The following HIGD1A variants were observed in gnomAD, a reference collection of about 807,000 sequenced individuals.
HIGD1A encodes HIG1 domain family member 1A, mitochondrial.
Under a neutral mutation model 11.3 loss-of-function variants are expected in HIGD1A, and 8 were observed. The observed-to-expected ratio is 0.71, with a 90% confidence interval of 0.42 to 1.28. HIGD1A has a LOEUF of 1.28. HIGD1A is among the 50% of genes most tolerant of loss of function. The pLI, the probability that HIGD1A is intolerant of heterozygous loss-of-function variation, is 0.01. For synonymous variants in HIGD1A, 32 were observed against 38.4 expected, an observed-to-expected ratio of 0.83 and a Z score of 0.62; for missense variants, 107 against 118.8, an observed-to-expected ratio of 0.90 and a Z score of 0.46.
chr3:42,791,728 C>T (rs1398016388), intron 2 of HIGD1A, among the ~76,000 whole-genome samples: 1 of 152,104 alleles, frequency 6.6e-6, no homozygotes, highest in African/African-American at 2.4e-5. Flanking sequence ...TAAATGACAA[C>T]CCATTAAAGA....
At chr3:42,794,442 A>G in intron 1 of HIGD1A, 167 bp from the exon 2 acceptor site, 1 of 674,174 alleles carries the variant, frequency 1.5e-6, no homozygotes. Flanking sequence ...TTTAATGTAC[A>G]GTCACTCTCA....
At chr3:42,786,814 T>C (rs1217395525) in intron 2 of HIGD1A, among the ~76,000 whole-genome samples, 3 of 152,160 alleles carry the variant, frequency 2.0e-5, no homozygotes, top group African/African-American at 7.2e-5. Flanking sequence ...CTTGCTCTGT[T>C]GCCCAGGCTG....
At chr3:42,793,574 T>C (rs1243411204) in intron 2 of HIGD1A, among the ~76,000 whole-genome samples, 1 of 152,254 alleles carries the variant, frequency 6.6e-6, no homozygotes, top group African/African-American at 2.4e-5. Flanking sequence ...AAACTATGAC[T>C]GTAACAAGCA....
At chr3:42,803,477 A>C (rs144268308) in intron 1 of HIGD1A, among the ~76,000 whole-genome samples, 3,668 of 152,314 alleles carry the variant, frequency 0.024, 57 homozygotes, top group Middle Eastern at 0.075. Flanking sequence ...ATCTTTAAGA[A>C]GCCCCTTCAA....
In HIGD1A at chr3:42,794,486, T is replaced by A. The variant is rs559796244; in HGVS notation, c.-22-211A>T. ...TTGTATACACTTATTCCCCCTATTA[T>A]TTTGCCGTTTCCCCTGTACAACCCA... On this transcript the variant is annotated intron_variant, in intron 1 of 3. Transcript: ENST00000321331. Among the ~76,000 whole-genome samples the A allele has an allele frequency of 3.2e-4, 49 of 152,326 alleles. No individual in the cohort carries two copies. In the East Asian group the frequency reaches 4.2e-3, roughly 13 times the overall value.
At position 42,800,958 on chromosome 3, in the gene HIGD1A, C is replaced by G. The variant is rs189827339; in HGVS notation, c.-23+3478G>C. ...CTGACTACATCCATTTCAACTTTGC[C>G]TGCTCTGTTCTGAGTTGCTTTAACA... is the stretch of plus-strand genomic sequence containing the variant. On this transcript the variant is annotated intron_variant, in intron 1 of 3. Coordinates refer to ENST00000321331, the MANE Select transcript of HIGD1A (RefSeq NM_014056.4). Among the ~76,000 whole-genome samples, 101 of 152,312 alleles carry G rather than the reference C, an allele frequency of 6.6e-4. 2 individuals are homozygous for G. Among genetic ancestry groups the G allele is most frequent in the African/African-American group, 2.4e-3 (99 of 41,578 alleles).
intron 1 of HIGD1A, 35 bp from the exon 2 acceptor site, chr3:42,794,310 A>C (rs781508219): frequency 6.5e-7 from 1 of 1,535,392 alleles, no homozygotes; most frequent in East Asian, 2.4e-5. Context: ...CTGTAATTAA[A>C]AGCATCTGAA....
chr3:42,790,626 G>A (rs145320156), intron 2 of HIGD1A, among the ~76,000 whole-genome samples: 1 of 152,288 alleles, frequency 6.6e-6, no homozygotes, highest in East Asian at 1.9e-4. Flanking sequence ...TAAATTTCTA[G>A]ACCTAGAGAA....
chr3:42,803,483 T>G (rs749779611), intron 1 of HIGD1A, among the ~76,000 whole-genome samples: 5 of 152,196 alleles, frequency 3.3e-5, no homozygotes, highest in Non-Finnish European at 7.3e-5. Flanking sequence ...AAGAAGCCCC[T>G]TCAAGTGACT....
At position 42,786,023 on chromosome 3, in the gene HIGD1A, C is replaced by A. The variant is rs754327427; in HGVS notation, c.232+5G>T. 3.1e-6 allele frequency: 5 copies of A among 1,611,910 alleles called. No individual in the cohort carries two copies. The South Asian group carries it at 5.5e-5, about 18-fold the overall frequency. Reference sequence around the variant, plus strand: ...GAAAATTTGAAATTTCCTATAGGAACCTACCAACAGTCATTGCTCCTACAA... The same window carrying A: ...GAAAATTTGAAATTTCCTATAGGAAACTACCAACAGTCATTGCTCCTACAA... On this transcript the variant is annotated splice_donor_5th_base_variant and intron_variant, in intron 3 of 3. Transcript: ENST00000321331.
chr3:42,787,590 C>CAAAAAAAA (rs375399059), intron 2 of HIGD1A, among the ~76,000 whole-genome samples: 22,833 of 115,224 alleles, frequency 0.2, 2,735 homozygotes, highest in East Asian at 0.49. Context: ...GACTCCATCT[C>CAAAAAAAA]AAAAATATAT....
rs1700317415 is a variant in HIGD1A, at chr3:42,784,099, A to G, written c.*1172T>C. ...TCAAAAAAAAAAAAAAAAAATTTAT[A>G]TGGATAATCAATAGAACAAAAATTA... On this transcript the variant is annotated 3_prime_UTR_variant, in exon 4 of 4. Transcript: ENST00000321331. 6.6e-6 allele frequency among the ~76,000 whole-genome samples: 1 copy of G among 151,566 alleles called. No individual in the cohort carries two copies. The highest frequency in any genetic ancestry group is 1.5e-5 in the Non-Finnish European group (1 of 67,932).
At chr3:42,795,918 A>G (rs1700492201) in intron 1 of HIGD1A, among the ~76,000 whole-genome samples, 1 of 152,226 alleles carries the variant, frequency 6.6e-6, no homozygotes, top group East Asian at 1.9e-4. Flanking sequence ...CACAGATAAA[A>G]TAAGGGCCTG....
chr3:42,795,147 G>A (rs1324907813), intron 1 of HIGD1A, among the ~76,000 whole-genome samples: 1 of 151,456 alleles, frequency 6.6e-6, no homozygotes, highest in African/African-American at 2.4e-5. Context: ...CTGACCTCAC[G>A]TGATCCACCC....
chr3:42,793,782 G>A (rs529746091), intron 2 of HIGD1A, among the ~76,000 whole-genome samples: 130 of 152,288 alleles, frequency 8.5e-4, no homozygotes, highest in African/African-American at 3.0e-3. Context: ...ACTAGCCTAG[G>A]CAGTATCGCA....
intron 1 of HIGD1A, chr3:42,804,141 A>G: frequency 1.2e-6 from 2 of 1,604,168 alleles, no homozygotes; most frequent in African/African-American, 2.7e-5. Flanking sequence ...TTACCACCCC[A>G]TCAGCGAGTC....
intron 2 of HIGD1A, among the ~76,000 whole-genome samples, chr3:42,788,479 T>G (rs1258544279): frequency 6.6e-6 from 1 of 152,204 alleles, no homozygotes; most frequent in African/African-American, 2.4e-5. Flanking sequence ...ATAAGGGCAT[T>G]CTCAATTCAT....
At chr3:42,793,685 AGAAGTCTC>A in intron 2 of HIGD1A, among the ~76,000 whole-genome samples, 1 of 152,370 alleles carries the variant, frequency 6.6e-6, no homozygotes, top group Middle Eastern at 3.4e-3. Flanking sequence ...CAATAAAATA[AGAAGTCTC>A]AGCTGGAGTG....
rs1238891159 is a variant in HIGD1A, at chr3:42,785,199, T to C, written c.*72A>G. 1.8e-5 allele frequency: 21 copies of C among 1,152,046 alleles called. No individual in the cohort carries two copies. Among genetic ancestry groups the C allele is most frequent in the Middle Eastern group, 2.9e-4 (1 of 3,454 alleles). The allele number at this position is 1,152,046 out of a possible 1,614,324, so 71.4% of individuals were successfully genotyped here. On this transcript the variant is annotated 3_prime_UTR_variant, in exon 4 of 4. Transcript: ENST00000321331. ...CAAATTAGTTTATTTCCAACAATAA[T>C]AGGTAACTTTAATAATAAGACATCT...
Sources: gnomAD v4.1 joint callset for allele counts (sites outside exome capture counted in the v4.1 genomes callset) on GRCh38, gnomAD v4.1.1 for gene constraint, MANE v1.5 for transcripts, NCBI Gene and HGNC (gene_info 2026-07-23, HGNC 2026-07-21) for gene names.